ZNF536: variants seen among roughly 807,000 people sequenced by gnomAD.
The protein encoded by ZNF536 is zinc finger protein 536.
ZNF536 carries 13 observed loss-of-function variants against 84.5 expected under a neutral mutation model. The observed-to-expected ratio is 0.15, with a 90% CI of 0.10 to 0.24. The LOEUF is 0.24. Ranked by LOEUF, ZNF536 falls within the 10% of genes least tolerant of loss-of-function variation. The pLI is 1.00. For missense variants in ZNF536, 1,536 were observed against 1,747.5 expected (o/e 0.88, Z 2.16); for synonymous variants, 811 against 742.5 (o/e 1.09, Z -1.50).
intron 1 of ZNF536, among the ~76,000 whole-genome samples, chr19:30,706,505 G>A (rs1006871846): frequency 7.3e-5 from 11 of 150,396 alleles, no homozygotes; most frequent in Non-Finnish European, 1.5e-4. Context: ...AAAAAAGAAA[G>A]AAAATACAAT....
chr19:30,278,596 T>C (rs1267092898), intron 1 of ZNF536, among the ~76,000 whole-genome samples: 9 of 152,074 alleles, frequency 5.9e-5, no homozygotes, highest in Non-Finnish European at 1.2e-4. Context: ...CTGAGGCTGG[T>C]TTGGGAGCTG....
intron 1 of ZNF536, among the ~76,000 whole-genome samples, chr19:30,233,938 C>T (rs1379269366): frequency 6.6e-6 from 1 of 152,160 alleles, no homozygotes; most frequent in Non-Finnish European, 1.5e-5. Flanking sequence ...GCTCATCCAC[C>T]ACACCCTGAC....
At chr19:30,592,080 G>A (rs2047294536) in intron 1 of ZNF536, among the ~76,000 whole-genome samples, 1 of 152,224 alleles carries the variant, frequency 6.6e-6, no homozygotes, top group South Asian at 2.1e-4. Context: ...ATGGCAACAA[G>A]CATATTTAGC....
chr19:30,609,192 A>C (rs1201791332), intron 1 of ZNF536, among the ~76,000 whole-genome samples: 1 of 152,218 alleles, frequency 6.6e-6, no homozygotes, highest in African/African-American at 2.4e-5. Context: ...ATGCTCACAA[A>C]TATTAAAAGA....
chr19:30,453,974 C>G (rs934699838), intron 2 of ZNF536, among the ~76,000 whole-genome samples: 1 of 152,272 alleles, frequency 6.6e-6, no homozygotes, highest in African/African-American at 2.4e-5. Flanking sequence ...CCCACCACAC[C>G]ACATGGGAGG....
intron 2 of ZNF536, among the ~76,000 whole-genome samples, chr19:30,475,346 A>G (rs571362130): frequency 6.6e-6 from 1 of 152,310 alleles, no homozygotes; most frequent in African/African-American, 2.4e-5. Context: ...GCTCACGTCT[A>G]TAATCCCAGC....
chr19:30,480,479 A>G (rs1158080564), intron 2 of ZNF536, among the ~76,000 whole-genome samples: 1 of 152,120 alleles, frequency 6.6e-6, no homozygotes, highest in African/African-American at 2.4e-5. Context: ...GTTCTCACTC[A>G]TAAGTGGGAG....
chr19:30,491,226 G>T lies in ZNF536; in HGVS notation c.2171-43621G>T, dbSNP rs558374210. Among the ~76,000 whole-genome samples the T allele has an allele frequency of 1.9e-3, 285 of 152,272 alleles. 2 individuals carry two copies. The highest frequency in any genetic ancestry group is 6.1e-3 in the African/African-American group (252 of 41,540). On this transcript the variant is annotated intron_variant, in intron 2 of 4. Coordinates refer to ENST00000355537, the MANE Select transcript of ZNF536 (RefSeq NM_014717.3). ...AACTCCTTTAAAATGGCATCTAAGA[G>T]AAGCGACTTTCAGAAAGAAAAGAAT... is the stretch of plus-strand genomic sequence containing the variant.
intron 1 of ZNF536, among the ~76,000 whole-genome samples, chr19:30,236,151 C>G (rs2023482349): frequency 6.6e-6 from 1 of 152,244 alleles, no homozygotes; most frequent in Non-Finnish European, 1.5e-5. Context: ...AGGATTTAAT[C>G]TGCGCAGCCG....
At chr19:30,424,407 A>G (rs1231577007) in intron 1 of ZNF536, among the ~76,000 whole-genome samples, 1 of 152,186 alleles carries the variant, frequency 6.6e-6, no homozygotes, top group Non-Finnish European at 1.5e-5. Flanking sequence ...CCTGTGCAAC[A>G]TCAAACACCC....
At chr19:30,227,739 A>AGCCGCC (rs532344713), upstream of ZNF536, among the ~76,000 whole-genome samples, 154 of 150,164 alleles carry the variant, frequency 1.0e-3, no homozygotes, top group Non-Finnish European at 1.8e-3. Flanking sequence ...TTCTCCCGGC[A>AGCCGCC]GCCGCCGCCG....
In ZNF536 at chr19:30,386,011, C is replaced by A. The variant is rs555423082; in HGVS notation, c.-3+13455C>A. On this transcript the variant is annotated intron_variant, in intron 1 of 4. Coordinates refer to ENST00000355537, the MANE Select transcript of ZNF536 (RefSeq NM_014717.3). ...TCTGTCTCACTCCTAACTTAAACTT[C>A]GATTTTAAAAAATGTGGCCCAGAAC... Among the ~76,000 whole-genome samples, 33 of 152,244 alleles carry A rather than the reference C, an allele frequency of 2.2e-4. 1 individual carries two copies. The East Asian group carries it at 5.8e-3, about 27-fold the overall frequency.
chr19:30,373,652 G>A (rs1433866060), intron 1 of ZNF536, among the ~76,000 whole-genome samples: 5 of 152,222 alleles, frequency 3.3e-5, no homozygotes, highest in African/African-American at 1.2e-4. Flanking sequence ...CGTCCTCAAT[G>A]AGAGCACACC....
intron 2 of ZNF536, among the ~76,000 whole-genome samples, chr19:30,331,399 T>C (rs2047208107): frequency 6.6e-6 from 1 of 151,868 alleles, no homozygotes; most frequent in African/African-American, 2.4e-5. Flanking sequence ...AGATCTCTTC[T>C]GTCTCTGCAG....
chr19:30,271,136 A>G (rs980974688), intron 1 of ZNF536, among the ~76,000 whole-genome samples: 1 of 152,290 alleles, frequency 6.6e-6, no homozygotes, highest in East Asian at 1.9e-4. Flanking sequence ...GAACTTTACC[A>G]TGCAATAGGC....
rs111469011 is a variant in ZNF536, at chr19:30,590,487, G to T, written c.169+40973G>T. Among the ~76,000 whole-genome samples the T allele has an allele frequency of 4.2e-3, 644 of 152,300 alleles. 4 individuals are homozygous for T. Among genetic ancestry groups the T allele is most frequent in the African/African-American group, 0.014 (601 of 41,550 alleles). On this transcript the variant is annotated intron_variant, in intron 1 of 1. Coordinates refer to the ZNF536 transcript ENST00000592773. ...CCTTCAAAGCCTTTGTCTTTCCTTTGTTTGGGGAAAGCAAGAGCTTCTTTC... is the reference window on the plus strand; with the variant it reads ...CCTTCAAAGCCTTTGTCTTTCCTTTTTTTGGGGAAAGCAAGAGCTTCTTTC...
intron 2 of ZNF536, among the ~76,000 whole-genome samples, chr19:30,526,000 G>C (rs536242869): frequency 6.6e-6 from 1 of 152,150 alleles, no homozygotes; most frequent in East Asian, 1.9e-4. Context: ...AGATGGCAGC[G>C]GCCTGGGCTG....
chr19:30,579,953 G>C lies in ZNF536; in HGVS notation c.169+30439G>C, dbSNP rs1017849145. 2.6e-5 allele frequency among the ~76,000 whole-genome samples: 4 copies of C among 152,280 alleles called. 1 individual carries two copies. In the South Asian group the frequency reaches 6.2e-4, roughly 24 times the overall value. ...CTGCTGGTAGACTCTTTTTAAGAAA[G>C]CTGTCTTGAAAGATTGTATGGCTTC... On this transcript the variant is annotated intron_variant, in intron 1 of 1. Transcript: ENST00000592773.
intron 1 of ZNF536, among the ~76,000 whole-genome samples, chr19:30,278,816 C>T (rs568362050): frequency 9.4e-4 from 143 of 152,314 alleles, no homozygotes; most frequent in Non-Finnish European, 1.4e-3. Context: ...CATGGGTCCC[C>T]CTGCCTCCTC....
Sources: gnomAD v4.1 joint callset for allele counts (sites outside exome capture counted in the v4.1 genomes callset) on GRCh38, gnomAD v4.1.1 for gene constraint, MANE v1.5 for transcripts, NCBI Gene and HGNC (gene_info 2026-07-23, HGNC 2026-07-21) for gene names.